The following MUC6 variants were observed in gnomAD, a reference collection of about 807,000 sequenced individuals.
MUC6 encodes the protein mucin 6, oligomeric mucus/gel-forming (gene/pseudogene).
In MUC6, 188 loss-of-function variants were observed where a neutral mutation model predicts 201.5. The ratio of observed to expected loss-of-function variants is 0.93; its 90% CI spans 0.83 to 1.05. The LOEUF is 1.05. MUC6 is among the 50% of genes least tolerant of loss of function. The probability of loss-of-function intolerance (pLI) is 0.00; values close to 1 mark genes in which losing one functional copy is unlikely to be tolerated. For missense variants in MUC6, 2,706 were observed against 3,256.9 expected, an observed-to-expected ratio of 0.83 and a Z score of 4.12; for synonymous variants, 1,228 against 1,389.4, an observed-to-expected ratio of 0.88 and a Z score of 2.58.
Position 1,031,054 on chromosome 11 carries a change from T to A in MUC6, c.577A>T (p.Lys193Ter). Reference protein sequence around the residue: ...VTNEFVSEEGKFLEPHKFAAL... With the variant: ...VTNEFVSEEG ...GCAAACTTGTGGGGTTCCAGGAACT[T>A]GCCTGGGGTGCAGAATGGGGGTCAG... The change falls in exon 6 of 33, where the codon AAG (lysine) becomes TAG (stop). Residue 193 changes from lysine (K) to a stop codon, truncating the protein, a stop_gained and splice_region_variant. Coordinates refer to ENST00000421673, the MANE Select transcript of MUC6 (RefSeq NM_005961.3). LOFTEE classifies it high-confidence loss of function. 6.4e-7 allele frequency: 1 copy of A among 1,557,424 alleles called. No individual in the cohort carries two copies. The highest frequency in any genetic ancestry group is 8.7e-7 in the Non-Finnish European group (1 of 1,154,916).
chr11:1,021,010 G>T (rs1045045023), intron 27 of MUC6, among the ~76,000 whole-genome samples: 2 of 152,162 alleles, frequency 1.3e-5, no homozygotes, highest in Non-Finnish European at 2.9e-5. Context: ...TCAGTGCTGT[G>T]TTTTTTTCTC....
rs773950668 is a variant in MUC6 at position 1,027,180 on chromosome 11, C to T, written c.2245G>A (p.Gly749Arg). The change falls in exon 18 of 33, where the codon GGG (glycine) becomes AGG (arginine). Residue 749 changes from glycine to arginine, a missense_variant. By Grantham distance (125) the Gly-to-Arg change is moderately radical (BLOSUM62 -2). This residue lies in a region of MUC6 where 1,850 missense variants were observed against 1,958.3 expected (regional missense o/e 0.94). Coordinates refer to ENST00000421673, the MANE Select transcript of MUC6 (RefSeq NM_005961.3). ...INGITCHCINGRLSCPQRPQM... is the reference protein window; with the variant it reads ...INGITCHCINRRLSCPQRPQM... The stretch of plus-strand genomic sequence containing the variant: ...GGCCGCTGCGGGCAACTCAGCCGCC[C>T]GTTGATGCAGTGGCTGCAAGAGAGA... The T allele has an allele frequency of 1.2e-5, 20 of 1,612,538 alleles. No individual in the cohort carries two copies. Among genetic ancestry groups the T allele is most frequent in the East Asian group, 4.5e-5 (2 of 44,866 alleles).
chr11:1,013,641 G>A lies in MUC6; in HGVS notation c.7143-8C>T. ...TGGGTGATGATGTTGAAGCTGCCGAGAAGTCAAGACAGAGCAGGGTCATGA... is the reference window on the plus strand; with the variant it reads ...TGGGTGATGATGTTGAAGCTGCCGAAAAGTCAAGACAGAGCAGGGTCATGA... On this transcript the variant is annotated splice_region_variant and splice_polypyrimidine_tract_variant and intron_variant, in intron 32 of 32. Coordinates refer to ENST00000421673, the MANE Select transcript of MUC6 (RefSeq NM_005961.3). 6.4e-7 allele frequency: 1 copy of A among 1,557,330 alleles called. No homozygotes were observed. The highest frequency in any genetic ancestry group is 8.7e-7 in the Non-Finnish European group (1 of 1,151,704).
rs2133829990 is a variant in MUC6, at chr11:1,027,066, G to T, written c.2285-16C>A. ...TGGCAGGAGGCTGCAGGAAAGAGGG[G>T]TGCGCGGTCAGGACACTCAGAGGAA... On this transcript the variant is annotated splice_polypyrimidine_tract_variant and intron_variant, in intron 18 of 32. Transcript: ENST00000421673. 6.2e-7 allele frequency: 1 copy of T among 1,605,280 alleles called. No individual in the cohort carries two copies. The highest frequency in any genetic ancestry group is 2.2e-5 in the East Asian group (1 of 44,516).
chr11:1,031,670 C>T lies in MUC6; in HGVS notation c.420G>A (p.Arg140=). 1 of 1,550,910 alleles carries T rather than the reference C, an allele frequency of 6.4e-7. No homozygotes were observed. The change falls in exon 4 of 33, where the codon CGG becomes CGA. Residue 140 remains arginine (R), a synonymous_variant. Coordinates refer to ENST00000421673, the MANE Select transcript of MUC6 (RefSeq NM_005961.3). The part of the protein sequence containing the change: ...LQITPFGQSV[R]LVAKQLELEL... The stretch of plus-strand genomic sequence containing the variant: ...CCAGCTCCAGCTGCTTGGCCACCAG[C>T]CGCACGCTCTGGCCGAAGGGTGTGA...
chr11:1,030,303 G>A lies in MUC6; in HGVS notation c.925C>T (p.Gln309Ter). 3 of 1,549,110 alleles carry A rather than the reference G, an allele frequency of 1.9e-6. No individual in the cohort carries two copies. Among genetic ancestry groups the A allele is most frequent in the Non-Finnish European group, 2.6e-6 (3 of 1,146,856 alleles). ...TTCACGCAGGCCGAGCCGCACTCCT[G>A]GTACACCTGGTTGGCCGGGCACTGA... ...VGQCPANQVY[Q>*]ECGSACVKTC... The change falls in exon 8 of 33, where the codon CAG becomes TAG. Residue 309 changes from glutamine to a stop codon, truncating the protein, a stop_gained. Coordinates refer to ENST00000421673, the MANE Select transcript of MUC6 (RefSeq NM_005961.3). LOFTEE classifies it high-confidence loss of function.
chr11:1,024,253 C>G (rs1300697935), intron 24 of MUC6, 150 bp from the exon 25 acceptor site: 1 of 986,234 alleles, frequency 1.0e-6, no homozygotes, highest in Non-Finnish European at 1.5e-6. Context: ...GACCTCAGCC[C>G]TGACCGCTAG....
In MUC6 at chr11:1,025,259, T is replaced by C; in HGVS notation, c.2908A>G (p.Ile970Val). The C allele has an allele frequency of 6.2e-7, 1 of 1,612,822 alleles. No individual in the cohort carries two copies. The highest frequency in any genetic ancestry group is 2.2e-5 in the East Asian group (1 of 44,884). Residue 970 changes from isoleucine to valine, a missense_variant, in exon 23 of 33, where the codon ATC (isoleucine) becomes GTC (valine). Physicochemically the swap from Ile to Val is conservative, Grantham distance 29. This residue lies in a region of MUC6 where 1,850 missense variants were observed against 1,958.3 expected (regional missense o/e 0.94). Coordinates refer to ENST00000421673, the MANE Select transcript of MUC6 (RefSeq NM_005961.3). ...GALSLVVDIS[I>V]PGRYNLTLIW... ...AGCGTCAGGTTGTACCTCCCGGGGATGCTGATGTCCACGACAAGGCTCAGC... is the reference window on the plus strand; with the variant it reads ...AGCGTCAGGTTGTACCTCCCGGGGACGCTGATGTCCACGACAAGGCTCAGC...
At chr11:1,029,400 G>T in intron 9 of MUC6, 34 bp from the exon 10 acceptor site, 2 of 1,593,490 alleles carry the variant, frequency 1.3e-6, no homozygotes, top group Non-Finnish European at 1.7e-6. Context: ...GGCATGGTGG[G>T]CAGGGCCGCT....
In MUC6 at chr11:1,026,352, C is replaced by G; in HGVS notation, c.2521G>C (p.Glu841Gln). 1 of 1,595,556 alleles carries G rather than the reference C, an allele frequency of 6.3e-7. No homozygotes were observed. The highest frequency in any genetic ancestry group is 8.5e-7 in the Non-Finnish European group (1 of 1,171,456). The change falls in exon 20 of 33, where the codon GAG (glutamate) becomes CAG (glutamine). Residue 841 changes from glutamate (E) to glutamine (Q), a missense_variant. Transcript: ENST00000421673. ...CAGGTCCTGCAGTCAGTGTGGAGCTCAGCTCCTCCAGGGTAGGAGACCCCC... is the reference window on the plus strand; with the variant it reads ...CAGGTCCTGCAGTCAGTGTGGAGCTGAGCTCCTCCAGGGTAGGAGACCCCC... The part of the protein sequence containing the change: ...FSGVSYPGGA[E>Q]LHTDCRTCSC...
chr11:1,028,017 C>T lies in MUC6; in HGVS notation c.1796G>A (p.Gly599Asp). 6.3e-7 allele frequency: 1 copy of T among 1,586,486 alleles called. No homozygotes were observed. The highest frequency in any genetic ancestry group is 8.6e-7 in the Non-Finnish European group (1 of 1,166,900). Residue 599 changes from glycine (G) to aspartate (D), a missense_variant, in exon 15 of 33, where the codon GGC becomes GAC. Gly to Asp is a moderately conservative substitution (Grantham distance 94). Coordinates refer to ENST00000421673, the MANE Select transcript of MUC6 (RefSeq NM_005961.3). ...GGCGTGGCACCTCTCGAACACCGTG[C>T]CTGTCCTCAGCAGCATGGAGCAGTG... ...ETHCSMLLRT[G>D]TVFERCHATV...
chr11:1,035,533 C>T (rs898777920), intron 1 of MUC6, among the ~76,000 whole-genome samples: 1 of 149,120 alleles, frequency 6.7e-6, no homozygotes, highest in Admixed American at 6.6e-5. Flanking sequence ...ATATCTCCTA[C>T]AGTTGAAGGG....
In MUC6 at chr11:1,036,604, C is replaced by G; in HGVS notation, c.52G>C (p.Gly18Arg). Residue 18 changes from glycine to arginine, a missense_variant and splice_region_variant, in exon 1 of 33, where the codon GGT becomes CGT. This residue lies in a region of MUC6 where 1,850 missense variants were observed against 1,958.3 expected (regional missense o/e 0.94). Transcript: ENST00000421673. ...TCTGGCGCCCCTCGACCTCACTCAC[C>G]AGCGCTGAGCAGGGCTCCGCAGCAG... ...LSCCGALLSA[G>R]LANTSYTSPG... 2 of 1,548,874 alleles carry G rather than the reference C, an allele frequency of 1.3e-6. No homozygotes were observed. Among genetic ancestry groups the G allele is most frequent in the Non-Finnish European group, 8.7e-7 (1 of 1,146,444 alleles).
Position 1,013,199 on chromosome 11 carries a change from G to C in MUC6, c.*257C>G. On this transcript the variant is annotated 3_prime_UTR_variant, in exon 33 of 33. Transcript: ENST00000421673. ...AGGGGTGGTCGGGAGTGCCCTGTGT[G>C]CCTGGGAGGTCCGTGACCACTGTCC... 1 of 542,958 alleles carries C rather than the reference G, an allele frequency of 1.8e-6. No homozygotes were observed. The highest frequency in any genetic ancestry group is 2.5e-5 in the South Asian group (1 of 40,164). The allele number at this position is 542,958 out of a possible 1,614,324, so 33.6% of individuals were successfully genotyped here.
At position 1,019,272 on chromosome 11, in the gene MUC6, T is replaced by C; in HGVS notation, c.4030+3A>G. 1.2e-6 allele frequency: 2 copies of C among 1,613,906 alleles called. No individual in the cohort carries two copies. Among genetic ancestry groups the C allele is most frequent in the South Asian group, 2.2e-5 (2 of 91,072 alleles). The stretch of plus-strand genomic sequence containing the variant: ...GCTGGCATCCCATGGCGCCATGACT[T>C]ACGCAGCGTGGGGCTTGTCCCTGAT... On this transcript the variant is annotated splice_donor_region_variant and intron_variant, in intron 30 of 32. Coordinates refer to ENST00000421673, the MANE Select transcript of MUC6 (RefSeq NM_005961.3).
At chr11:1,021,368 CTTTTTTTT>C (rs541461716) in intron 26 of MUC6, 91 bp from the exon 27 acceptor site, 462 of 448,736 alleles carry the variant, frequency 1.0e-3, no homozygotes, top group Middle Eastern at 2.4e-3. Flanking sequence ...TTCCTCTCTG[CTTTTTTTT>C]TTTTTTTTTT....
intron 31 of MUC6, among the ~76,000 whole-genome samples, chr11:1,014,792 C>T (rs189310501): frequency 1.3e-5 from 2 of 152,270 alleles, no homozygotes; most frequent in Non-Finnish European, 2.9e-5. Context: ...AGAGGGCTTT[C>T]TCCGGGAGGG....
chr11:1,014,567 G>A (rs1856558485), intron 31 of MUC6, among the ~76,000 whole-genome samples: 1 of 152,224 alleles, frequency 6.6e-6, no homozygotes, highest in Non-Finnish European at 1.5e-5. Context: ...AGAGGCCTGG[G>A]TACGTGGCAG....
At chr11:1,030,121 C>T in intron 8 of MUC6, 92 bp downstream of exon 8, 1 of 1,413,442 alleles carries the variant, frequency 7.1e-7, no homozygotes, top group Non-Finnish European at 9.4e-7. Context: ...GTTGGGGTGA[C>T]CTGGGTCGGG....
Sources: allele counts gnomAD v4.1 joint callset (sites outside exome capture counted in the v4.1 genomes callset), GRCh38; gene constraint gnomAD v4.1.1; regional missense constraint gnomAD v4.1.1; transcripts MANE v1.5; gene names NCBI Gene and HGNC (gene_info 2026-07-23, HGNC 2026-07-21).